Variants in ARHGAP4 observed in about 807,000 individuals in gnomAD.
ARHGAP4 encodes the protein rho GTPase-activating protein 4.
In ARHGAP4, 25 loss-of-function variants were observed where a neutral mutation model predicts 67.6. The observed-to-expected ratio is 0.37, with a 90% confidence interval of 0.27 to 0.52. ARHGAP4 has a LOEUF of 0.52. Among genes scored for constraint, ARHGAP4 ranks in the 20% least tolerant of loss-of-function variants. The pLI is 0.92. For synonymous variants in ARHGAP4, 448 were observed against 373.7 expected, an observed-to-expected ratio of 1.20 and a Z score of -2.29; for missense variants, 804 against 854.6, an observed-to-expected ratio of 0.94 and a Z score of 0.74.
Position 153,910,366 on chromosome X carries a change from T to C in ARHGAP4, c.1961A>G (p.Tyr654Cys). Reference sequence around the variant, plus strand: ...GGGCCCGAAGCACACGGCCAGGTTGTAGGGGTCCATCATGTTCTCATCGCT... The same window carrying C: ...GGGCCCGAAGCACACGGCCAGGTTGCAGGGGTCCATCATGTTCTCATCGCT... The part of the protein sequence containing the change: ...QYSDENMMDP[Y>C]NLAVCFGPTL... The change falls in exon 17 of 22, where the codon TAC becomes TGC. Residue 654 changes from tyrosine to cysteine, a missense_variant. By Grantham distance (194) the Tyr-to-Cys change is radical. Transcript: ENST00000350060. The C allele has an allele frequency of 7.5e-6, 9 of 1,203,748 alleles. No homozygotes were observed. Among genetic ancestry groups the C allele is most frequent in the Non-Finnish European group, 9.0e-6 (8 of 891,335 alleles).
chrX:153,909,797 C>T lies in ARHGAP4; in HGVS notation c.2358G>A (p.Gly786=), dbSNP rs1180955149. The T allele has an allele frequency of 2.1e-5, 25 of 1,200,898 alleles. No individual in the cohort carries two copies. The highest frequency in any genetic ancestry group is 2.8e-5 in the Non-Finnish European group (25 of 891,226). The part of the protein sequence containing the change: ...HERASSDWWR[G]EHNGMRGLIP... ...TGAGGCCCCGCATGCCGTTGTGCTC[C>T]CCCCGCCACCAGTCGCTCGAGGCCC... The change falls in exon 19 of 22, where the codon GGG becomes GGA. Residue 786 remains glycine (G), a synonymous_variant. Transcript: ENST00000350060.
At chrX:153,921,268 G>T (rs2065091875) in intron 3 of ARHGAP4, 97 bp downstream of exon 3, 1 of 1,184,518 alleles carries the variant, frequency 8.4e-7, no homozygotes, top group African/African-American at 1.8e-5. Flanking sequence ...GGTTCGCTCT[G>T]CCTGCTCCCC....
At chrX:153,914,032 G>A in intron 7 of ARHGAP4, 153 bp from the exon 8 acceptor site, 1 of 475,875 alleles carries the variant, frequency 2.1e-6, no homozygotes. Flanking sequence ...TGGCAGGAGT[G>A]AACACACGTG....
At chrX:153,915,104 G>A (rs1463924861) in intron 7 of ARHGAP4, among the ~76,000 whole-genome samples, 4 of 111,756 alleles carry the variant, frequency 3.6e-5, no homozygotes, top group Admixed American at 1.9e-4. Flanking sequence ...TTGAGGACAT[G>A]GGACTCAGTG....
rs367905838 is a variant in ARHGAP4 at position 153,907,857 on chromosome X, G to A, written c.2713C>T (p.Arg905Ter). 1.4e-5 allele frequency: 14 copies of A among 1,016,573 alleles called. No homozygotes were observed. Among genetic ancestry groups the A allele is most frequent in the African/African-American group, 2.0e-5 (1 of 50,794 alleles). 83.8% of individuals were successfully genotyped at this position (1,016,573 alleles called of 1,213,427 possible). ...ASTTSPSPGP[R>*]SPKAPPSSRL... ...CTGCTGGGCGGGGCCTTTGGGCTTC[G>A]GGGCCCAGGACTGGGAGAGGTGGTA... Residue 905 changes from arginine (R) to a stop codon, truncating the protein, a stop_gained, in exon 22 of 22, where the codon CGA becomes TGA. Coordinates refer to ENST00000350060, the MANE Select transcript of ARHGAP4 (RefSeq NM_001666.5). LOFTEE classifies it low-confidence loss of function (END_TRUNC).
chrX:153,919,565 A>G (rs1022256982), intron 5 of ARHGAP4: 1 of 1,155,254 alleles, frequency 8.7e-7, no homozygotes, highest in Non-Finnish European at 1.2e-6. Context: ...ATTCACAGAT[A>G]CCTGATGAGT....
Position 153,907,744 on chromosome X carries a change from G to A in ARHGAP4, c.2826C>T (p.Thr942=). 1.0e-6 allele frequency: 1 copy of A among 1,002,969 alleles called. No individual in the cohort carries two copies. Among genetic ancestry groups the A allele is most frequent in the Non-Finnish European group, 1.3e-6 (1 of 778,749 alleles). The allele number at this position is 1,002,969 out of a possible 1,213,427, so 82.7% of individuals were successfully genotyped here. ...CAGCGGCACCTCAGTGTGGCTTGGG[G>A]GTCGTGTCTAGGCCCTGGGGGTGGG... The part of the protein sequence containing the change: ...SASHPQGLDT[T]PKPH Residue 942 remains threonine (T), a synonymous_variant, in exon 22 of 22, where the codon ACC becomes ACT. Transcript: ENST00000350060.
At chrX:153,911,252 C>A in intron 12 of ARHGAP4, 63 bp from the exon 13 acceptor site, 3 of 423,864 alleles carry the variant, frequency 7.1e-6, no homozygotes, top group Non-Finnish European at 1.0e-5. Context: ...CATTCAATTG[C>A]TTTTTTTTTT....
rs377476565 is a variant in ARHGAP4, at chrX:153,909,988, G to A, written c.2230+24C>T. ...TGGACACTAGGGTGGGGACAGGGTGGGGCTCTCTGCCCATCGCCCTCACCA... is the reference window on the plus strand; with the variant it reads ...TGGACACTAGGGTGGGGACAGGGTGAGGCTCTCTGCCCATCGCCCTCACCA... On this transcript the variant is annotated intron_variant, in intron 18 of 21. Transcript: ENST00000350060. 6.6e-6 allele frequency: 8 copies of A among 1,208,848 alleles called. No individual in the cohort carries two copies. The African/African-American group carries it at 1.2e-4, about 18-fold the overall frequency.
At position 153,913,448 on chromosome X, in the gene ARHGAP4, C is replaced by T; in HGVS notation, c.1287G>A (p.Arg429=). Residue 429 remains arginine, a synonymous_variant, in exon 9 of 22, where the codon AGG becomes AGA. Coordinates refer to ENST00000350060, the MANE Select transcript of ARHGAP4 (RefSeq NM_001666.5). ...TTTCGGTCTCCTGCTGCTGGCCGCG[C>T]CTCCGGCCCGCCTGCCGGCTGCCTG... ...SDPGSRQAGR[R]RGQQQETETF... 2 of 1,211,768 alleles carry T rather than the reference C, an allele frequency of 1.7e-6. No homozygotes were observed. The highest frequency in any genetic ancestry group is 2.2e-6 in the Non-Finnish European group (2 of 895,430).
chrX:153,913,295 T>A lies in ARHGAP4; in HGVS notation c.1334A>T (p.Gln445Leu). The change falls in exon 10 of 22, where the codon CAG (glutamine) becomes CTG (leucine). Residue 445 changes from glutamine (Q) to leucine (L), a missense_variant. Gln to Leu is a moderately radical substitution (Grantham distance 113, BLOSUM62 -2). Around this residue, in one of 2 missense-constraint regions of ARHGAP4, gnomAD observed 404 missense variants for 505.9 expected, o/e 0.80. Coordinates refer to ENST00000350060, the MANE Select transcript of ARHGAP4 (RefSeq NM_001666.5). ...GATGCTCCGTCCACTCAGATACTCCTGGAGCTTCTGGGCAGCCCCAAGAAG... is the reference window on the plus strand; with the variant it reads ...GATGCTCCGTCCACTCAGATACTCCAGGAGCTTCTGGGCAGCCCCAAGAAG... Reference protein sequence around the residue: ...ETETFYLTKLQEYLSGRSILA... With the variant: ...ETETFYLTKLLEYLSGRSILA... 1 of 1,182,485 alleles carries A rather than the reference T, an allele frequency of 8.5e-7. No homozygotes were observed. Among genetic ancestry groups the A allele is most frequent in the Non-Finnish European group, 1.1e-6 (1 of 880,946 alleles).
At chrX:153,923,669 C>A (rs1557105723) in intron 1 of ARHGAP4, among the ~76,000 whole-genome samples, 1 of 113,269 alleles carries the variant, frequency 8.8e-6, no homozygotes, top group African/African-American at 3.2e-5. Flanking sequence ...AGAGTGTCTT[C>A]ATCCTATCCG....
chrX:153,920,437 C>T, intron 5 of ARHGAP4, 189 bp downstream of exon 5: 1 of 510,451 alleles, frequency 2.0e-6, no homozygotes, highest in Admixed American at 4.1e-5. Flanking sequence ...CTGTCCAGGG[C>T]CAGGCAACTG....
At chrX:153,914,072 G>A (rs1427521435) in intron 7 of ARHGAP4, 193 bp from the exon 8 acceptor site, 1 of 436,370 alleles carries the variant, frequency 2.3e-6, no homozygotes, top group Non-Finnish European at 4.0e-6. Flanking sequence ...ACAGAGGTTC[G>A]TGGCGGCACC....
chrX:153,909,146 T>C lies in ARHGAP4; in HGVS notation c.2531A>G (p.Glu844Gly). The change falls in exon 21 of 22, where the codon GAG becomes GGG. Residue 844 changes from glutamate (E) to glycine (G), a missense_variant. Coordinates refer to ENST00000350060, the MANE Select transcript of ARHGAP4 (RefSeq NM_001666.5). Reference protein sequence around the residue: ...VHRPEPCTSPEAMGPSGHRRR... With the variant: ...VHRPEPCTSPGAMGPSGHRRR... ...TCTGTGTCCAGAGGGTCCCATGGCC[T>C]CAGGTGAGGTGCATGGCTCTGGCCT... The C allele has an allele frequency of 1.7e-6, 2 of 1,209,977 alleles. No homozygotes were observed. The highest frequency in any genetic ancestry group is 2.2e-6 in the Non-Finnish European group (2 of 894,838).
At chrX:153,910,886 C>T (rs782426014) in intron 14 of ARHGAP4, 36 bp downstream of exon 14, 48 of 1,159,567 alleles carry the variant, frequency 4.1e-5, no homozygotes, top group Non-Finnish European at 4.8e-5. Flanking sequence ...GACATCTGCC[C>T]GAGCCCCCAC....
chrX:153,915,794 A>C (rs2065052200), intron 7 of ARHGAP4, among the ~76,000 whole-genome samples: 1 of 111,726 alleles, frequency 9.0e-6, no homozygotes, highest in Non-Finnish European at 1.9e-5. Context: ...CTCTAGAGAA[A>C]AAATAAGTGT....
At chrX:153,919,757 C>A in intron 5 of ARHGAP4, 3 of 1,004,220 alleles carry the variant, frequency 3.0e-6, no homozygotes, top group Non-Finnish European at 3.9e-6. Flanking sequence ...CCTGCTGGCA[C>A]CTGGGTTCTA....
chrX:153,921,606 G>A lies in ARHGAP4; in HGVS notation c.271C>T (p.Arg91Trp), dbSNP rs782767558. The A allele has an allele frequency of 2.6e-5, 32 of 1,208,056 alleles. No homozygotes were observed. Among genetic ancestry groups the A allele is most frequent in the Non-Finnish European group, 3.2e-5 (29 of 894,169 alleles). The change falls in exon 2 of 22, where the codon CGG becomes TGG. Residue 91 changes from arginine (R) to tryptophan (W), a missense_variant and splice_region_variant. By Grantham distance (101) the Arg-to-Trp change is moderately radical. Coordinates refer to ENST00000350060, the MANE Select transcript of ARHGAP4 (RefSeq NM_001666.5). Reference protein sequence around the residue: ...LGSSREHQSFRKEPSLLSPLH... With the variant: ...LGSSREHQSFWKEPSLLSPLH... ...CCCCCCTGCCAGCACATCACCTACC[G>A]GAAGCTTTGGTGCTCCCGGCTGCTC...
Sources: allele counts gnomAD v4.1 joint callset (sites outside exome capture counted in the v4.1 genomes callset), GRCh38; gene constraint gnomAD v4.1.1; regional missense constraint gnomAD v4.1.1; transcripts MANE v1.5; gene names NCBI Gene and HGNC (gene_info 2026-07-23, HGNC 2026-07-21).